The following NTNG1 variants were observed in gnomAD, a reference collection of about 807,000 sequenced individuals.
The protein encoded by NTNG1 is netrin-G1.
A neutral mutation model predicts 54.0 loss-of-function variants in NTNG1; 16 were observed. The observed-to-expected ratio is 0.30, with a 90% CI of 0.20 to 0.45. The LOEUF is 0.45. Among genes scored for constraint, NTNG1 ranks in the 20% least tolerant of loss-of-function variants. The probability of loss-of-function intolerance (pLI) is 1.00; values close to 1 mark genes in which losing one functional copy is unlikely to be tolerated. For synonymous variants in NTNG1, 255 were observed against 263.1 expected, an observed-to-expected ratio of 0.97 and a Z score of 0.30; for missense variants, 530 against 678.7, an observed-to-expected ratio of 0.78 and a Z score of 2.43.
chr1:107,448,199 G>A (rs1219753160), intron 7 of NTNG1, among the ~76,000 whole-genome samples: 1 of 151,976 alleles, frequency 6.6e-6, no homozygotes, highest in Non-Finnish European at 1.5e-5. Flanking sequence ...CCTTAACAAT[G>A]TTCTGGTTTA....
intron 7 of NTNG1, among the ~76,000 whole-genome samples, chr1:107,447,296 T>C (rs1428636065): frequency 1.3e-5 from 2 of 152,092 alleles, no homozygotes; most frequent in African/African-American, 2.4e-5. Flanking sequence ...CCCACAGATG[T>C]TGAATGCAAA....
chr1:107,365,625 C>T (rs1252487683), intron 3 of NTNG1, among the ~76,000 whole-genome samples: 1 of 152,144 alleles, frequency 6.6e-6, no homozygotes, highest in East Asian at 1.9e-4. Context: ...ACAGAATAGA[C>T]AGTATCTTCA....
rs200154211 is a variant in NTNG1 at position 107,320,191 on chromosome 1, TA to T, written c.247-4089del. Among the ~76,000 whole-genome samples, 8 of 152,274 alleles carry T rather than the reference TA, an allele frequency of 5.3e-5. No individual in the cohort carries two copies. The East Asian group carries it at 1.5e-3, about 29-fold the overall frequency. ...AAAATATTTAGCAGCAATAGCTGTT[TA>T]ATTATTTAGGCATTTGTTAGTGGTG... On this transcript the variant is annotated intron_variant, in intron 2 of 7. Transcript: ENST00000370068.
intron 2 of NTNG1, among the ~76,000 whole-genome samples, chr1:107,234,852 G>C (rs909891842): frequency 6.6e-6 from 1 of 152,170 alleles, no homozygotes; most frequent in Non-Finnish European, 1.5e-5. Context: ...CACTGGAACT[G>C]CTCATGCAGT....
chr1:107,477,061 T>C (rs1414712824), intron 7 of NTNG1, among the ~76,000 whole-genome samples: 1 of 152,218 alleles, frequency 6.6e-6, no homozygotes, highest in Non-Finnish European at 1.5e-5. Flanking sequence ...TCTATCACTC[T>C]GGGACTGAGG....
intron 2 of NTNG1, among the ~76,000 whole-genome samples, chr1:107,152,345 TTG>T (rs1654641887): frequency 6.6e-6 from 1 of 152,170 alleles, no homozygotes; most frequent in Non-Finnish European, 1.5e-5. Flanking sequence ...TGACTACAAT[TTG>T]TTTCAATTTG....
intron 2 of NTNG1, among the ~76,000 whole-genome samples, chr1:107,170,918 T>TTCATATCTTAATAATGGGACCA (rs1404766175): frequency 6.6e-6 from 1 of 152,134 alleles, no homozygotes; most frequent in Non-Finnish European, 1.5e-5. Context: ...GAATGCATTC[T>TTCATATCTTAATAATGGGACCA]TCATATCTTA....
intron 5 of NTNG1, chr1:107,408,522 C>G (rs1461590961): frequency 6.6e-6 from 1 of 152,094 alleles, no homozygotes; most frequent in Non-Finnish European, 1.5e-5. Flanking sequence ...ATGGGAGAAC[C>G]AGGTGTAGCT....
At chr1:107,386,151 A>G (rs1036656353) in intron 3 of NTNG1, among the ~76,000 whole-genome samples, 15 of 105,098 alleles carry the variant, frequency 1.4e-4, no homozygotes, top group African/African-American at 4.4e-4. Flanking sequence ...ATATGTGTGT[A>G]TATATATATA....
Position 107,148,850 on chromosome 1 carries a change from C to T in NTNG1, c.246+11C>T, listed in dbSNP as rs773197961. The T allele has an allele frequency of 4.3e-6, 7 of 1,610,266 alleles. No homozygotes were observed. The highest frequency in any genetic ancestry group is 1.7e-5 in the Admixed American group (1 of 59,864). On this transcript the variant is annotated intron_variant, in intron 2 of 7. Transcript: ENST00000370068. ...ACGTTCTGTGCAATGGTGAGGTAAC[C>T]CTTTTGCATAAAATATTTCATATAA...
At chr1:107,383,673 T>C (rs1557952446) in intron 3 of NTNG1, among the ~76,000 whole-genome samples, 2 of 152,330 alleles carry the variant, frequency 1.3e-5, no homozygotes, top group South Asian at 2.1e-4. Flanking sequence ...TGAGACTCAG[T>C]TGGATGCACC....
chr1:107,200,971 G>A (rs964218766), intron 2 of NTNG1, among the ~76,000 whole-genome samples: 4 of 151,672 alleles, frequency 2.6e-5, no homozygotes, highest in African/African-American at 7.3e-5. Context: ...AACATTTACT[G>A]TGTTTGTTTC....
At chr1:107,324,949 T>A in intron 3 of NTNG1, 27 bp downstream of exon 3, 3 of 1,577,222 alleles carry the variant, frequency 1.9e-6, no homozygotes, top group Non-Finnish European at 2.6e-6. Flanking sequence ...CTGCCTTCAA[T>A]GGGAACGGGT....
intron 3 of NTNG1, among the ~76,000 whole-genome samples, chr1:107,333,706 T>A (rs190424643): frequency 1.6e-3 from 236 of 151,998 alleles, no homozygotes; most frequent in Middle Eastern, 6.8e-3. Flanking sequence ...AAAAACAGAT[T>A]GATTTTTCAA....
intron 3 of NTNG1, among the ~76,000 whole-genome samples, chr1:107,330,549 T>A (rs1030494297): frequency 1.3e-5 from 2 of 152,136 alleles, no homozygotes; most frequent in African/African-American, 4.8e-5. Flanking sequence ...GGGGAAGACT[T>A]CCTAGTGAAT....
rs151330540 is a variant in NTNG1, at chr1:107,438,097, A to G, written c.1390+1298A>G. ...ACTGTGTAGATCCAATTTCTATACA[A>G]TATTATAGAATGTTCTATCTGTTAC... On this transcript the variant is annotated intron_variant, in intron 7 of 7. Transcript: ENST00000370068. Among the ~76,000 whole-genome samples the G allele has an allele frequency of 8.1e-3, 822 of 101,788 alleles. 7 individuals carry two copies. The highest frequency in any genetic ancestry group is 0.029 in the African/African-American group (776 of 26,610). 66.8% of individuals were successfully genotyped at this position (101,788 alleles called of 152,430 possible). A position where few individuals can be genotyped will look rare whatever the true frequency, so the allele number is the denominator to read the frequency against.
chr1:107,379,398 G>A (rs1303012841), intron 3 of NTNG1, among the ~76,000 whole-genome samples: 1 of 152,220 alleles, frequency 6.6e-6, no homozygotes, highest in African/African-American at 2.4e-5. Context: ...GGGATCAACA[G>A]TGGCCTTCAG....
intron 2 of NTNG1, among the ~76,000 whole-genome samples, chr1:107,277,800 A>G (rs1406861920): frequency 6.6e-6 from 1 of 152,220 alleles, no homozygotes; most frequent in East Asian, 1.9e-4. Flanking sequence ...AATAGAGCAT[A>G]TCTAATTTAT....
At chr1:107,222,980 G>A (rs1284860544) in intron 2 of NTNG1, among the ~76,000 whole-genome samples, 2 of 151,862 alleles carry the variant, frequency 1.3e-5, no homozygotes, top group Non-Finnish European at 2.9e-5. Context: ...TTTTAAGAAG[G>A]GGGACTTTTT....
Sources: gnomAD v4.1 joint callset for allele counts (sites outside exome capture counted in the v4.1 genomes callset) on GRCh38, gnomAD v4.1.1 for gene constraint, MANE v1.5 for transcripts, NCBI Gene and HGNC (gene_info 2026-07-23, HGNC 2026-07-21) for gene names.